Variants in OSBPL10 observed in about 807,000 individuals in gnomAD.
OSBPL10 encodes oxysterol-binding protein-related protein 10.
OSBPL10 carries 49 observed loss-of-function variants against 81.7 expected under a neutral mutation model. The ratio of observed to expected loss-of-function variants is 0.60; its 90% confidence interval spans 0.48 to 0.76. The LOEUF (loss-of-function observed/expected upper bound fraction) is 0.76. Ranked by LOEUF, OSBPL10 falls within the 30% of genes least tolerant of loss-of-function variation. The pLI, the probability that OSBPL10 is intolerant of heterozygous loss-of-function variation, is 0.00. For synonymous variants in OSBPL10, 419 were observed against 383.6 expected (o/e 1.09, Z -1.08); for missense variants, 923 against 987.8 (o/e 0.93, Z 0.88).
At chr3:32,052,219 C>A (rs576205667) in intron 1 of OSBPL10, among the ~76,000 whole-genome samples, 1 of 151,098 alleles carries the variant, frequency 6.6e-6, no homozygotes, top group Non-Finnish European at 1.5e-5. Context: ...TCCACTCCAA[C>A]CTGAGTGACA....
intron 1 of OSBPL10, among the ~76,000 whole-genome samples, chr3:31,939,586 C>G (rs1376972288): frequency 1.3e-5 from 2 of 152,092 alleles, no homozygotes; most frequent in Non-Finnish European, 2.9e-5. Flanking sequence ...CCTTCCCCAC[C>G]CCTCCAGTGA....
At position 32,017,349 on chromosome 3, in the gene OSBPL10, G is replaced by A. The variant is rs569211426; in HGVS notation, n.298+29142C>T. 2.4e-3 allele frequency among the ~76,000 whole-genome samples: 364 copies of A among 152,164 alleles called. 2 individuals carry two copies. Among genetic ancestry groups the A allele is most frequent in the Non-Finnish European group, 4.0e-3 (273 of 67,980 alleles). ...TAGCTATACTGGTCTCAGAATCTAG[G>A]TACCTTTTATCAAGCTACACATTTT... On this transcript the variant is annotated intron_variant and non_coding_transcript_variant, in intron 2 of 3. Coordinates refer to the OSBPL10 transcript ENST00000479173.
At chr3:32,039,855 G>T (rs1309491895) in intron 2 of OSBPL10, among the ~76,000 whole-genome samples, 3 of 151,994 alleles carry the variant, frequency 2.0e-5, no homozygotes, top group Non-Finnish European at 4.4e-5. Context: ...TTATGAAGCT[G>T]ACTAATCATA....
Position 31,763,565 on chromosome 3 carries a change from C to T in OSBPL10, c.730-15445G>A, listed in dbSNP as rs547307267. Among the ~76,000 whole-genome samples the T allele has an allele frequency of 2.0e-5, 3 of 152,316 alleles. No individual in the cohort carries two copies. The East Asian group carries it at 5.8e-4, about 29-fold the overall frequency. Reference sequence around the variant, plus strand: ...CCTGAAGAATATTCTAATATTCTAACTTGAGCTTGATAGCATATACAAACT... The same window carrying T: ...CCTGAAGAATATTCTAATATTCTAATTTGAGCTTGATAGCATATACAAACT... On this transcript the variant is annotated intron_variant, in intron 4 of 11. Transcript: ENST00000396556.
At chr3:31,702,047 C>T (rs1482942931) in intron 7 of OSBPL10, among the ~76,000 whole-genome samples, 4 of 152,074 alleles carry the variant, frequency 2.6e-5, no homozygotes, top group Non-Finnish European at 5.9e-5. Flanking sequence ...TAGCAAGAAA[C>T]AAAGAAATAG....
At chr3:31,680,645 A>T (rs1700618329) in intron 8 of OSBPL10, among the ~76,000 whole-genome samples, 1 of 152,174 alleles carries the variant, frequency 6.6e-6, no homozygotes, top group African/African-American at 2.4e-5. Flanking sequence ...TCCCTCTGGT[A>T]AATAGGTAAG....
intron 2 of OSBPL10, among the ~76,000 whole-genome samples, chr3:32,036,005 G>A (rs1289590809): frequency 6.6e-6 from 1 of 152,092 alleles, no homozygotes; most frequent in Non-Finnish European, 1.5e-5. Flanking sequence ...CTGTCTTCAT[G>A]AATCCAACTA....
At chr3:31,880,632 CTT>C (rs1695540708) in intron 1 of OSBPL10, among the ~76,000 whole-genome samples, 2 of 152,354 alleles carry the variant, frequency 1.3e-5, no homozygotes, top group East Asian at 1.9e-4. Context: ...CCCCTGCTGA[CTT>C]TTCTACCTTC....
chr3:31,749,643 C>T (rs564665194), intron 4 of OSBPL10, among the ~76,000 whole-genome samples: 1 of 152,008 alleles, frequency 6.6e-6, no homozygotes, highest in South Asian at 2.1e-4. Flanking sequence ...GGTGAAACCC[C>T]ATCTCTACTA....
At chr3:31,876,903 CTTTTT>C (rs35788348) in intron 2 of OSBPL10, among the ~76,000 whole-genome samples, 1 of 131,758 alleles carries the variant, frequency 7.6e-6, no homozygotes, top group Non-Finnish European at 1.6e-5. Flanking sequence ...TCAAATGGCA[CTTTTT>C]TTTTTTTTTT....
At chr3:31,929,055 A>C (rs1697162192) in intron 1 of OSBPL10, among the ~76,000 whole-genome samples, 1 of 152,232 alleles carries the variant, frequency 6.6e-6, no homozygotes, top group Admixed American at 6.5e-5. Flanking sequence ...GGAAACATCC[A>C]GCTAGGATTA....
chr3:31,937,291 AAAG>A (rs1250421019), intron 1 of OSBPL10, among the ~76,000 whole-genome samples: 6 of 150,332 alleles, frequency 4.0e-5, no homozygotes, highest in East Asian at 1.9e-4. Flanking sequence ...AAAAAAAAAA[AAAG>A]AAAGAAAGTC....
chr3:31,823,336 G>C (rs1700024777), intron 4 of OSBPL10, among the ~76,000 whole-genome samples: 1 of 152,220 alleles, frequency 6.6e-6, no homozygotes, highest in South Asian at 2.1e-4. Context: ...AGGGCTGAAA[G>C]ATGCAAAGAT....
chr3:31,716,661 T>C (rs1329008421), intron 6 of OSBPL10, among the ~76,000 whole-genome samples: 1 of 152,230 alleles, frequency 6.6e-6, no homozygotes, highest in African/African-American at 2.4e-5. Flanking sequence ...GAGACGGCTC[T>C]GGCCTAGATG....
At chr3:31,774,895 G>A (rs1218535321) in intron 4 of OSBPL10, among the ~76,000 whole-genome samples, 1 of 151,516 alleles carries the variant, frequency 6.6e-6, no homozygotes, top group Non-Finnish European at 1.5e-5. Flanking sequence ...AGCTGAGTGT[G>A]GTGGCTCATG....
chr3:31,932,725 G>A (rs1171392145), intron 1 of OSBPL10, among the ~76,000 whole-genome samples: 1 of 151,832 alleles, frequency 6.6e-6, no homozygotes, highest in Non-Finnish European at 1.5e-5. Flanking sequence ...CTTGGTGTCA[G>A]CAAGAGAATC....
chr3:32,005,438 TATG>T (rs779968274), intron 2 of OSBPL10, among the ~76,000 whole-genome samples: 21,889 of 152,080 alleles, frequency 0.14, 1,609 homozygotes, highest in Middle Eastern at 0.21. Context: ...CCTGTCCCTT[TATG>T]GACTGTGAGC....
chr3:31,741,351 G>A (rs1026533180), intron 5 of OSBPL10, among the ~76,000 whole-genome samples: 6 of 152,122 alleles, frequency 3.9e-5, no homozygotes, highest in African/African-American at 9.7e-5. Flanking sequence ...TGCAACCTCC[G>A]CCTCCCAGGT....
intron 1 of OSBPL10, among the ~76,000 whole-genome samples, chr3:31,937,696 C>T (rs1461811015): frequency 9.7e-6 from 1 of 102,646 alleles, no homozygotes; most frequent in East Asian, 3.9e-4. Context: ...CTCTTGGGAC[C>T]ACCCTTCCCC....
Sources: gnomAD v4.1 joint callset for allele counts (sites outside exome capture counted in the v4.1 genomes callset) on GRCh38, gnomAD v4.1.1 for gene constraint, MANE v1.5 for transcripts, NCBI Gene and HGNC (gene_info 2026-07-23, HGNC 2026-07-21) for gene names.